The following PCDH15 variants were observed in gnomAD, a reference collection of about 807,000 sequenced individuals.
The protein encoded by PCDH15 is protocadherin-15.
PCDH15 carries 129 observed loss-of-function variants against 178.5 expected under a neutral mutation model. The observed-to-expected ratio is 0.72, with a 90% CI of 0.63 to 0.84. PCDH15 has a LOEUF of 0.84. Among genes scored for constraint, PCDH15 ranks in the 40% least tolerant of loss-of-function variants. The pLI is 0.00. For missense variants in PCDH15, 2,230 were observed against 2,099.9 expected (o/e 1.06, Z -1.21); for synonymous variants, 800 against 732.0 (o/e 1.09, Z -1.50).
chr10:54,553,698 C>T (rs2086859307), intron 2 of PCDH15, among the ~76,000 whole-genome samples: 2 of 152,110 alleles, frequency 1.3e-5, no homozygotes, highest in East Asian at 3.9e-4. Context: ...AAACCTTAGG[C>T]AAATGTTTCT....
At chr10:54,853,293 A>ATGTG (rs1564570142) in intron 3 of PCDH15, among the ~76,000 whole-genome samples, 1 of 94,470 alleles carries the variant, frequency 1.1e-5, no homozygotes, top group Non-Finnish European at 2.0e-5. Flanking sequence ...ATGTGTGTAT[A>ATGTG]TATATATATA....
At chr10:55,414,770 G>GGTGTGTGTGTGT (rs71014486) in intron 2 of PCDH15, among the ~76,000 whole-genome samples, 3 of 146,868 alleles carry the variant, frequency 2.0e-5, no homozygotes, top group African/African-American at 7.5e-5. Flanking sequence ...TCTAACAAGG[G>GGTGTGTGTGTGT]GTGTGTGTGT....
At position 54,486,940 on chromosome 10, in the gene PCDH15, A is replaced by C. The variant is rs571429005; in HGVS notation, c.157+40872T>G. Among the ~76,000 whole-genome samples, 12 of 152,074 alleles carry C rather than the reference A, an allele frequency of 7.9e-5. 1 individual carries two copies. In the Admixed American group the frequency reaches 7.9e-4, roughly 10 times the overall value. On this transcript the variant is annotated intron_variant, in intron 3 of 37. Transcript: ENST00000644397. ...GGCCATGGAATAATGTTGATCTGGG[A>C]GGAAGGTGAGTTAATGAGGTCTTCA...
At chr10:54,452,544 T>C (rs550787008) in intron 3 of PCDH15, 1 of 152,186 alleles carries the variant, frequency 6.6e-6, no homozygotes, top group South Asian at 2.1e-4. Context: ...TGATATGTAC[T>C]CCTAAGAACA....
intron 1 of PCDH15, among the ~76,000 whole-genome samples, chr10:54,742,759 A>AAC (rs1591393165): frequency 6.6e-6 from 1 of 152,126 alleles, no homozygotes; most frequent in East Asian, 1.9e-4. Context: ...TCCTAATGTC[A>AAC]TGGTACACTA....
intron 3 of PCDH15, among the ~76,000 whole-genome samples, chr10:54,505,887 A>G (rs987316178): frequency 6.6e-6 from 1 of 152,192 alleles, no homozygotes; most frequent in African/African-American, 2.4e-5. Flanking sequence ...ACTAAGATAC[A>G]ACAAATAAAA....
chr10:54,339,423 G>C lies in PCDH15; in HGVS notation c.594+6942C>G, dbSNP rs148845138. Reference sequence around the variant, plus strand: ...TGATGAGTACACTAGAAATTGCATAGAAATTAAATGCCCCTAATTAAAGGC... The same window carrying C: ...TGATGAGTACACTAGAAATTGCATACAAATTAAATGCCCCTAATTAAAGGC... On this transcript the variant is annotated intron_variant, in intron 6 of 37. Coordinates refer to ENST00000644397, the MANE Select transcript of PCDH15 (RefSeq NM_001384140.1). Among the ~76,000 whole-genome samples the C allele has an allele frequency of 1.0e-3, 155 of 152,054 alleles. 3 individuals are homozygous for C. The highest frequency in any genetic ancestry group is 6.8e-3 in the Middle Eastern group (2 of 294).
chr10:54,355,120 C>CAAAAAAAAAAAAAA (rs770404490), intron 5 of PCDH15, among the ~76,000 whole-genome samples: 2 of 69,840 alleles, frequency 2.9e-5, no homozygotes, highest in Admixed American at 2.1e-4. Context: ...AGGAGGATTG[C>CAAAAAAAAAAAAAA]AAAAAAAAAA....
intron 3 of PCDH15, among the ~76,000 whole-genome samples, chr10:54,823,223 A>ACG (rs917991318): frequency 4.5e-5 from 5 of 111,532 alleles, no homozygotes; most frequent in Admixed American, 2.8e-4. Flanking sequence ...ACACACACAC[A>ACG]CACGCACACG....
intron 2 of PCDH15, among the ~76,000 whole-genome samples, chr10:54,971,858 T>C (rs1008553210): frequency 1.3e-5 from 2 of 152,198 alleles, no homozygotes; most frequent in South Asian, 4.1e-4. Context: ...CTAAATATAA[T>C]TTGTCATTAA....
chr10:54,127,640 A>G (rs11004087), intron 15 of PCDH15, among the ~76,000 whole-genome samples: 59,079 of 152,054 alleles, frequency 0.39, 12,386 homozygotes, highest in African/African-American at 0.53. Flanking sequence ...CTCTTATAGT[A>G]CCTTCATAAA....
intron 17 of PCDH15, among the ~76,000 whole-genome samples, chr10:54,075,795 T>C (rs2094332404): frequency 6.6e-6 from 1 of 152,196 alleles, no homozygotes; most frequent in Non-Finnish European, 1.5e-5. Flanking sequence ...TCTATTAAAT[T>C]ACATTGGCCT....
At chr10:54,232,036 T>C (rs915901210) in intron 9 of PCDH15, among the ~76,000 whole-genome samples, 1 of 152,118 alleles carries the variant, frequency 6.6e-6, no homozygotes, top group Non-Finnish European at 1.5e-5. Context: ...TATTTTGCAA[T>C]GTGAGAATGA....
At chr10:55,255,946 T>G (rs1841985179) in intron 1 of PCDH15, among the ~76,000 whole-genome samples, 1 of 152,208 alleles carries the variant, frequency 6.6e-6, no homozygotes, top group Non-Finnish European at 1.5e-5. Flanking sequence ...AGAAGCTGTT[T>G]AGTTTAATTA....
chr10:54,581,751 G>C (rs1047356494), intron 2 of PCDH15, among the ~76,000 whole-genome samples: 1 of 151,996 alleles, frequency 6.6e-6, no homozygotes, highest in Non-Finnish European at 1.5e-5. Flanking sequence ...ACAGAAAAGA[G>C]AACCCAGAAG....
chr10:55,568,930 T>C (rs1471291327), intron 2 of PCDH15, among the ~76,000 whole-genome samples: 1 of 151,980 alleles, frequency 6.6e-6, no homozygotes, highest in African/African-American at 2.4e-5. Flanking sequence ...AAGGCAGCTG[T>C]GTGATGCTAG....
intron 2 of PCDH15, among the ~76,000 whole-genome samples, chr10:54,538,350 C>A (rs2084809120): frequency 6.7e-6 from 1 of 149,718 alleles, no homozygotes; most frequent in Non-Finnish European, 1.5e-5. Flanking sequence ...AACTCAGCAC[C>A]ATTTGTTGAA....
intron 2 of PCDH15, among the ~76,000 whole-genome samples, chr10:54,999,562 G>T (rs1451785103): frequency 6.6e-6 from 1 of 152,176 alleles, no homozygotes; most frequent in East Asian, 1.9e-4. Flanking sequence ...TGGAGTGGCT[G>T]CTGTAAGGAT....
chr10:54,838,613 G>A (rs1370398250), intron 3 of PCDH15, among the ~76,000 whole-genome samples: 1 of 152,122 alleles, frequency 6.6e-6, no homozygotes, highest in Non-Finnish European at 1.5e-5. Flanking sequence ...TGTCACTAGA[G>A]GCAGACCCAC....
Sources: allele counts gnomAD v4.1 joint callset (sites outside exome capture counted in the v4.1 genomes callset), GRCh38; gene constraint gnomAD v4.1.1; transcripts MANE v1.5; gene names NCBI Gene and HGNC (gene_info 2026-07-23, HGNC 2026-07-21).